The following COTL1 variants were observed in gnomAD, a reference collection of about 807,000 sequenced individuals.
COTL1 encodes the protein coactosin like F-actin binding protein 1, also known as coactosin-like protein.
A neutral mutation model predicts 16.5 loss-of-function variants in COTL1; 15 were observed. That is an observed-to-expected ratio of 0.91 (90% CI 0.61 to 1.40). COTL1 has a LOEUF of 1.40. Ranked by LOEUF, COTL1 falls within the 40% of genes most tolerant of loss-of-function variation. COTL1 has a pLI of 0.00. For synonymous variants in COTL1, 112 were observed against 85.3 expected (o/e 1.31, Z -1.73); for missense variants, 220 against 201.5 (o/e 1.09, Z -0.56).
At chr16:84,586,759 G>T (rs992942126) in intron 3 of COTL1, among the ~76,000 whole-genome samples, 5 of 151,870 alleles carry the variant, frequency 3.3e-5, no homozygotes, top group African/African-American at 7.3e-5. Flanking sequence ...TACTTTTTTG[G>T]TATTTTTAGT....
intron 2 of COTL1, among the ~76,000 whole-genome samples, chr16:84,602,504 C>T (rs934284349): frequency 1.3e-5 from 2 of 151,640 alleles, no homozygotes; most frequent in South Asian, 2.1e-4. Context: ...CAGGCAGGAA[C>T]GAATGGATAT....
chr16:84,612,369 G>T (rs567155448), intron 2 of COTL1, among the ~76,000 whole-genome samples: 1 of 152,150 alleles, frequency 6.6e-6, no homozygotes, highest in African/African-American at 2.4e-5. Flanking sequence ...GTCCACATGG[G>T]GCCAAATGCC....
chr16:84,572,543 C>T (rs989983903), intron 3 of COTL1, among the ~76,000 whole-genome samples: 7 of 152,068 alleles, frequency 4.6e-5, no homozygotes, highest in Admixed American at 1.3e-4. Flanking sequence ...TCACTGCAGG[C>T]TCAACCTCCT....
chr16:84,617,339 TTA>T (rs1481227818), intron 2 of COTL1, among the ~76,000 whole-genome samples, 160 bp downstream of exon 2: 1 of 152,128 alleles, frequency 6.6e-6, no homozygotes, highest in African/African-American at 2.4e-5. Flanking sequence ...GGAGAAGGTT[TTA>T]TGAGGCCTTA....
At chr16:84,589,526 G>T (rs191602937) in intron 3 of COTL1, among the ~76,000 whole-genome samples, 1 of 152,186 alleles carries the variant, frequency 6.6e-6, no homozygotes, top group East Asian at 1.9e-4. Flanking sequence ...CCCTTTAGTA[G>T]GGAAAGACCT....
intron 3 of COTL1, among the ~76,000 whole-genome samples, chr16:84,589,388 C>G (rs1467043063): frequency 2.6e-5 from 4 of 152,204 alleles, no homozygotes; most frequent in Non-Finnish European, 5.9e-5. Context: ...CCCTCTGTAA[C>G]AGACAAGCTG....
Position 84,566,632 on chromosome 16 carries a change from G to C in COTL1, c.*213C>G. 1 of 487,570 alleles carries C rather than the reference G, an allele frequency of 2.1e-6. No homozygotes were observed. The highest frequency in any genetic ancestry group is 3.6e-6 in the Non-Finnish European group (1 of 275,308). 30.2% of individuals were successfully genotyped at this position (487,570 alleles called of 1,614,324 possible). A position where few individuals can be genotyped will look rare whatever the true frequency, so the allele number is the denominator to read the frequency against. On this transcript the variant is annotated 3_prime_UTR_variant, in exon 4 of 4. Coordinates refer to ENST00000262428, the MANE Select transcript of COTL1 (RefSeq NM_021149.5). ...GGGAGAAAAGAAAAAGAAGATCAAA[G>C]AAAGAGGTTCCATGAGCGTCATGAG...
intron 3 of COTL1, among the ~76,000 whole-genome samples, chr16:84,581,344 A>T (rs991899896): frequency 2.6e-5 from 4 of 151,952 alleles, no homozygotes; most frequent in Admixed American, 2.6e-4. Flanking sequence ...AACAGCTGAA[A>T]CCCTTTGAAG....
chr16:84,574,676 C>T (rs113433300), intron 3 of COTL1, among the ~76,000 whole-genome samples: 15,184 of 152,142 alleles, frequency 0.1, 1,171 homozygotes, highest in East Asian at 0.3. Context: ...CTCTGCCTCC[C>T]GGGTTCAAGT....
intron 2 of COTL1, among the ~76,000 whole-genome samples, chr16:84,598,404 C>T (rs1213917261): frequency 6.6e-6 from 1 of 152,150 alleles, no homozygotes; most frequent in Non-Finnish European, 1.5e-5. Flanking sequence ...CAGGTCATCT[C>T]TTCAAGGTTC....
intron 3 of COTL1, among the ~76,000 whole-genome samples, chr16:84,577,755 C>T (rs1029836081): frequency 5.3e-5 from 8 of 152,142 alleles, no homozygotes; most frequent in Non-Finnish European, 1.2e-4. Context: ...ACAGGGTAAC[C>T]ATCTAATGAA....
In COTL1 at chr16:84,583,697, C is replaced by T. The variant is rs549939685; in HGVS notation, c.318+6408G>A. ...CTGGTCTCCAACTCCTGGGCTCAAG[C>T]AATCCTCCTGCCTTGGTCTCCCAAA... On this transcript the variant is annotated intron_variant, in intron 3 of 3. Transcript: ENST00000262428. Among the ~76,000 whole-genome samples the T allele has an allele frequency of 1.0e-3, 156 of 152,230 alleles. 1 individual carries two copies. The highest frequency in any genetic ancestry group is 3.6e-3 in the African/African-American group (151 of 41,534).
At chr16:84,568,857 A>G (rs571158378) in intron 3 of COTL1, 1 of 152,352 alleles carries the variant, frequency 6.6e-6, no homozygotes, top group East Asian at 1.9e-4. Context: ...AAGGCTGGAA[A>G]TTACAATGCT....
Position 84,590,062 on chromosome 16 carries a change from C to T in COTL1, c.318+43G>A, listed in dbSNP as rs199498785. The T allele has an allele frequency of 8.9e-6, 14 of 1,577,986 alleles. No homozygotes were observed. In the South Asian group the frequency reaches 9.2e-5, roughly 10 times the overall value. On this transcript the variant is annotated intron_variant, in intron 3 of 3. Transcript: ENST00000262428. The surrounding 1 kb of genome is among the most constrained non-coding windows in gnomAD (Gnocchi z 5.5). ...CTCTCCCTCCTTGCAGGATGGTGAC[C>T]CTTGGCGAGCTTTGACCTCCAGACT...
At chr16:84,584,956 C>T (rs1217172145) in intron 3 of COTL1, among the ~76,000 whole-genome samples, 4 of 151,766 alleles carry the variant, frequency 2.6e-5, no homozygotes, top group Admixed American at 6.6e-5. Context: ...CAAAGTCCAC[C>T]GTACTACACC....
chr16:84,596,524 T>C (rs1280461412), intron 2 of COTL1: 1 of 152,170 alleles, frequency 6.6e-6, no homozygotes, highest in Non-Finnish European at 1.5e-5. Flanking sequence ...CCCTCAGGGG[T>C]CCACAGGGGC....
intron 3 of COTL1, chr16:84,575,505 G>A (rs779014565): frequency 2.0e-5 from 3 of 151,804 alleles, no homozygotes; most frequent in African/African-American, 4.8e-5. Flanking sequence ...TTACAGGCAC[G>A]TACCACCACG....
chr16:84,607,064 T>G (rs1211325782), intron 2 of COTL1, among the ~76,000 whole-genome samples: 1 of 152,026 alleles, frequency 6.6e-6, no homozygotes, highest in Non-Finnish European at 1.5e-5. Context: ...CATCTAACCA[T>G]GAAGGATGGG....
At chr16:84,604,826 T>A (rs1905180102) in intron 2 of COTL1, among the ~76,000 whole-genome samples, 2 of 152,222 alleles carry the variant, frequency 1.3e-5, no homozygotes, top group African/African-American at 4.8e-5. Context: ...CTGGCCCGCC[T>A]GAAGCAGCAG....
Sources: allele counts gnomAD v4.1 joint callset (sites outside exome capture counted in the v4.1 genomes callset), GRCh38; gene constraint gnomAD v4.1.1; non-coding constraint Gnocchi (gnomAD v3.1); transcripts MANE v1.5; gene names NCBI Gene and HGNC (gene_info 2026-07-23, HGNC 2026-07-21).